IPPK: variants seen among roughly 807,000 people sequenced by gnomAD.
IPPK encodes the protein inositol-pentakisphosphate 2-kinase.
Under a neutral mutation model 64.6 loss-of-function variants are expected in IPPK, and 22 were observed. That is an observed-to-expected ratio of 0.34 (90% CI 0.24 to 0.49). The LOEUF is 0.49. IPPK is among the 20% of genes least tolerant of loss of function. IPPK has a pLI of 0.99. For missense variants in IPPK, 532 were observed against 630.7 expected (o/e 0.84, Z 1.68); for synonymous variants, 262 against 247.2 (o/e 1.06, Z -0.56).
intron 7 of IPPK, among the ~76,000 whole-genome samples, chr9:92,641,853 C>T (rs1428654217): frequency 2.6e-5 from 4 of 152,096 alleles, no homozygotes; most frequent in African/African-American, 7.2e-5. Flanking sequence ...CACAGTGGAG[C>T]GAGAAAAACC....
At chr9:92,657,371 C>T (rs964164355) in intron 2 of IPPK, among the ~76,000 whole-genome samples, 2 of 152,086 alleles carry the variant, frequency 1.3e-5, no homozygotes, top group Non-Finnish European at 2.9e-5. Context: ...ATAAAGCCCC[C>T]CTGGTCAACA....
intron 1 of IPPK, among the ~76,000 whole-genome samples, chr9:92,665,293 G>C (rs1475471509): frequency 6.6e-6 from 1 of 152,218 alleles, no homozygotes; most frequent in East Asian, 1.9e-4. Flanking sequence ...ATGTTATACA[G>C]TCAGAAAAAA....
intron 2 of IPPK, among the ~76,000 whole-genome samples, chr9:92,656,891 C>T (rs1396601593): frequency 1.3e-5 from 2 of 152,222 alleles, no homozygotes; most frequent in African/African-American, 4.8e-5. Flanking sequence ...CGACATCTCA[C>T]ATCTCAATCT....
intron 6 of IPPK, among the ~76,000 whole-genome samples, chr9:92,646,202 A>C (rs1441189133): frequency 5.3e-5 from 8 of 152,216 alleles, no homozygotes; most frequent in African/African-American, 1.9e-4. Flanking sequence ...TATTATCTTA[A>C]ATTAACACTC....
rs202035536 is a variant in IPPK, at chr9:92,640,790, G to A, written c.564-8C>T. The A allele has an allele frequency of 1.3e-5, 21 of 1,603,296 alleles. No homozygotes were observed. In the South Asian group the frequency reaches 2.2e-4, roughly 17 times the overall value. ...TGCATTCTCTGTTTGTTTCTAAAAG[G>A]GAAAAGCATTAACATGCTTTAAATG... On this transcript the variant is annotated splice_region_variant and splice_polypyrimidine_tract_variant and intron_variant, in intron 7 of 12. Coordinates refer to ENST00000287996, the MANE Select transcript of IPPK (RefSeq NM_022755.6).
At position 92,613,205 on chromosome 9, in the gene IPPK, T is replaced by C; in HGVS notation, c.*2627A>G. The C allele has an allele frequency of 2.5e-6, 4 of 1,608,330 alleles. No individual in the cohort carries two copies. Among genetic ancestry groups the C allele is most frequent in the Non-Finnish European group, 3.4e-6 (4 of 1,175,110 alleles). On this transcript the variant is annotated 3_prime_UTR_variant, in exon 13 of 13. Transcript: ENST00000287996. The stretch of plus-strand genomic sequence containing the variant: ...TGCTGCGTGGAGGAACATGCAATTT[T>C]ATTCAATATAAACATTTGCTATTTT...
At chr9:92,656,658 A>ACAT in intron 2 of IPPK, 107 bp from the exon 3 acceptor site, 2 of 723,502 alleles carry the variant, frequency 2.8e-6, no homozygotes. Flanking sequence ...AGCAAGGGGG[A>ACAT]CATCCCAGCC....
At chr9:92,650,147 C>T (rs1313291374) in intron 4 of IPPK, among the ~76,000 whole-genome samples, 2 of 151,198 alleles carry the variant, frequency 1.3e-5, no homozygotes, top group Non-Finnish European at 2.9e-5. Context: ...CATGGTGAAA[C>T]CCCATCTCTA....
At chr9:92,633,510 G>A (rs1171058464) in intron 11 of IPPK, among the ~76,000 whole-genome samples, 9 of 152,030 alleles carry the variant, frequency 5.9e-5, no homozygotes, top group African/African-American at 1.7e-4. Context: ...CTAGGCACAC[G>A]CCACTACGTC....
intron 11 of IPPK, among the ~76,000 whole-genome samples, chr9:92,627,649 A>G (rs1851758122): frequency 6.6e-6 from 1 of 152,254 alleles, no homozygotes; most frequent in African/African-American, 2.4e-5. Context: ...ACAGAATCCA[A>G]CACCCTTTCA....
chr9:92,627,936 G>A (rs946384810), intron 11 of IPPK, among the ~76,000 whole-genome samples: 3 of 152,152 alleles, frequency 2.0e-5, no homozygotes, highest in Non-Finnish European at 4.4e-5. Context: ...CTTAAATAGA[G>A]AGAATCCTAA....
chr9:92,650,250 G>A (rs957881484), intron 4 of IPPK, among the ~76,000 whole-genome samples: 13 of 151,948 alleles, frequency 8.6e-5, no homozygotes, highest in African/African-American at 2.7e-4. Context: ...TTGAACCAGA[G>A]AGGCAGAGGA....
chr9:92,648,771 A>G (rs2131448998), intron 5 of IPPK, among the ~76,000 whole-genome samples: 1 of 152,348 alleles, frequency 6.6e-6, no homozygotes, highest in South Asian at 2.1e-4. Flanking sequence ...GAGGAGGGGA[A>G]CAAAGGCCAG....
intron 6 of IPPK, among the ~76,000 whole-genome samples, chr9:92,644,426 G>A (rs1477844873): frequency 4.6e-5 from 7 of 152,104 alleles, no homozygotes; most frequent in African/African-American, 1.7e-4. Context: ...GCAGATGAGG[G>A]CAGGACATCT....
At chr9:92,640,893 G>GTT in intron 7 of IPPK, 111 bp from the exon 8 acceptor site, 1 of 775,916 alleles carries the variant, frequency 1.3e-6, no homozygotes, top group South Asian at 1.4e-5. Flanking sequence ...AGGGGCCGCT[G>GTT]GGAAACCCAG....
Position 92,668,223 on chromosome 9 carries a change from G to A in IPPK, c.81+1685C>T, listed in dbSNP as rs565763460. On this transcript the variant is annotated intron_variant, in intron 1 of 12. Coordinates refer to ENST00000287996, the MANE Select transcript of IPPK (RefSeq NM_022755.6). Reference sequence around the variant, plus strand: ...GCGGAGGTTGCAGTGAGCCGAGATCGCGCCACTGCACTCCAGCCTGGGCAA... The same window carrying A: ...GCGGAGGTTGCAGTGAGCCGAGATCACGCCACTGCACTCCAGCCTGGGCAA... Among the ~76,000 whole-genome samples, 9 of 152,274 alleles carry A rather than the reference G, an allele frequency of 5.9e-5. No homozygotes were observed. In the South Asian group the frequency reaches 1.7e-3, roughly 28 times the overall value.
intron 8 of IPPK, among the ~76,000 whole-genome samples, chr9:92,640,202 G>A (rs969190995): frequency 8.5e-5 from 13 of 152,106 alleles, no homozygotes; most frequent in African/African-American, 1.9e-4. Context: ...ACAGGGACCC[G>A]GCACCCTGAC....
intron 6 of IPPK, among the ~76,000 whole-genome samples, chr9:92,645,420 C>T (rs1852132429): frequency 1.3e-5 from 2 of 151,900 alleles, no homozygotes; most frequent in Admixed American, 1.3e-4. Context: ...GAAAGAAATT[C>T]TTTAGTTGAA....
At chr9:92,623,759 T>G (rs916837836) in intron 11 of IPPK, among the ~76,000 whole-genome samples, 4 of 152,176 alleles carry the variant, frequency 2.6e-5, no homozygotes, top group African/African-American at 9.7e-5. Context: ...AGGTGACTCC[T>G]AACCGGTTGC....
Sources: gnomAD v4.1 joint callset for allele counts (sites outside exome capture counted in the v4.1 genomes callset) on GRCh38, gnomAD v4.1.1 for gene constraint, MANE v1.5 for transcripts, NCBI Gene and HGNC (gene_info 2026-07-23, HGNC 2026-07-21) for gene names.